ARAP1: variants seen among roughly 807,000 people sequenced by gnomAD.
ARAP1 encodes the protein ArfGAP with RhoGAP domain, ankyrin repeat and PH domain 1, also known as arf-GAP with Rho-GAP domain, ANK repeat and PH domain-containing protein 1.
ARAP1 carries 76 observed loss-of-function variants against 172.2 expected under a neutral mutation model. The observed-to-expected ratio is 0.44, with a 90% CI of 0.37 to 0.53. The LOEUF is 0.53. Ranked by LOEUF, ARAP1 falls within the 20% of genes least tolerant of loss-of-function variation. The pLI is 0.00. For missense variants in ARAP1, 1,686 were observed against 1,977.5 expected, an observed-to-expected ratio of 0.85 and a Z score of 2.80; for synonymous variants, 804 against 803.3, an observed-to-expected ratio of 1.00 and a Z score of -0.01.
At chr11:72,697,574 C>T (rs1450864394) in intron 20 of ARAP1, 24 bp downstream of exon 20, 4 of 1,613,900 alleles carry the variant, frequency 2.5e-6, no homozygotes, top group South Asian at 1.1e-5. Context: ...CTTCTCAGAG[C>T]CCCTCAGGGA....
intron 14 of ARAP1, chr11:72,703,894 G>A: frequency 1.9e-6 from 1 of 532,138 alleles, no homozygotes; most frequent in South Asian, 2.2e-5. Context: ...GGGTGCAGGA[G>A]ACTGAGGAAT....
chr11:72,699,144 T>C lies in ARAP1; in HGVS notation c.2439-37A>G. 6.2e-7 allele frequency: 1 copy of C among 1,605,232 alleles called. No individual in the cohort carries two copies. Among genetic ancestry groups the C allele is most frequent in the African/African-American group, 1.3e-5 (1 of 74,850 alleles). ...CAGGCCAGGACTCAGGCCCACCTCA[T>C]CCAGCACGGGCCCACCCCCAACCCG... is the stretch of plus-strand genomic sequence containing the variant. On this transcript the variant is annotated intron_variant, in intron 17 of 34. Coordinates refer to ENST00000393609, the MANE Select transcript of ARAP1 (RefSeq NM_001040118.3). The surrounding 1 kb of genome is among the most constrained non-coding windows in gnomAD (Gnocchi z 4.2).
chr11:72,701,511 G>A, intron 16 of ARAP1, 138 bp downstream of exon 16: 4 of 1,240,978 alleles, frequency 3.2e-6, no homozygotes, highest in Non-Finnish European at 4.4e-6. Context: ...AGTACCTACT[G>A]TGTACCACAG....
rs1248460500 is a variant in ARAP1, at chr11:72,687,752, AGGGAGAGAGTT to A, written c.4071-25_4071-15del. 1 of 1,614,112 alleles carries A rather than the reference AGGGAGAGAGTT, an allele frequency of 6.2e-7. No homozygotes were observed. The highest frequency in any genetic ancestry group is 1.7e-5 in the Admixed American group (1 of 60,022). ...GTGAAGCCCCAGCTACAGAGGAAGA[AGGGAGAGAGTT>A]GGGTGTTTGACAGGCCATAGAGGCT... is the stretch of plus-strand genomic sequence containing the variant. On this transcript the variant is annotated splice_polypyrimidine_tract_variant and intron_variant, in intron 31 of 34. Transcript: ENST00000393609.
intron 14 of ARAP1, chr11:72,703,321 C>G (rs1167309384): frequency 2.5e-6 from 1 of 402,634 alleles, no homozygotes; most frequent in Non-Finnish European, 4.5e-6. Flanking sequence ...TGCCCGGGGC[C>G]TCACCCCTGC....
chr11:72,735,820 G>A (rs1858005177), intron 1 of ARAP1, among the ~76,000 whole-genome samples: 2 of 152,172 alleles, frequency 1.3e-5, no homozygotes, highest in African/African-American at 4.8e-5. Context: ...AAGACACGGT[G>A]ACTCGGCACT....
rs529598672 is a variant in ARAP1, at chr11:72,739,224, C to T, written c.-127-6627G>A. ...TTTTCCATCTCTCGGGGACTGGTGG[C>T]CACCACATAACAGTCTCAGGAAGGC... is the stretch of plus-strand genomic sequence containing the variant. On this transcript the variant is annotated intron_variant, in intron 1 of 34. Coordinates refer to ENST00000393609, the MANE Select transcript of ARAP1 (RefSeq NM_001040118.3). Among the ~76,000 whole-genome samples the T allele has an allele frequency of 2.0e-5, 3 of 152,288 alleles. No individual in the cohort carries two copies. In the South Asian group the frequency reaches 6.2e-4, roughly 32 times the overall value.
In ARAP1 at chr11:72,694,160, G is replaced by A. The variant is rs190836340; in HGVS notation, c.3695-355C>T. 1.3e-4 allele frequency among the ~76,000 whole-genome samples: 20 copies of A among 149,086 alleles called. No individual in the cohort carries two copies. The South Asian group carries it at 3.2e-3, about 24-fold the overall frequency. ...TCCTCCCTCTCCCAATCCACACGTC[G>A]AATCTCTCTGCTCTGTCTATCTCCA... On this transcript the variant is annotated intron_variant, in intron 27 of 34. Transcript: ENST00000393609.
chr11:72,703,043 C>A lies in ARAP1; in HGVS notation c.2029G>T (p.Glu677Ter). The A allele has an allele frequency of 6.3e-7, 1 of 1,598,368 alleles. No homozygotes were observed. Among genetic ancestry groups the A allele is most frequent in the African/African-American group, 1.3e-5 (1 of 74,444 alleles). ...CCACAGCCCAGGAGCGCCTGGGTCT[C>A]AGCCAGGTCTGTGGTGGTGACTGCA... ...CAAVTTTDLA[E>*]TQALLGCGAG... is the part of the protein sequence containing the mutation. Residue 677 changes from glutamate (E) to a stop codon, truncating the protein, a stop_gained, in exon 15 of 35, where the codon GAG (glutamate) becomes TAG (stop). Coordinates refer to ENST00000393609, the MANE Select transcript of ARAP1 (RefSeq NM_001040118.3). LOFTEE classifies it high-confidence loss of function.
At position 72,730,866 on chromosome 11, in the gene ARAP1, T is replaced by G. The variant is rs368897559; in HGVS notation, c.-45+1649A>C. On this transcript the variant is annotated intron_variant, in intron 2 of 34. Transcript: ENST00000393609. The stretch of plus-strand genomic sequence containing the variant: ...ACCAAAATGGCCATCAATGGGAGAA[T>G]AGTTAACTAAATTATGTTGTAGTTG... Among the ~76,000 whole-genome samples, 3 of 152,126 alleles carry G rather than the reference T, an allele frequency of 2.0e-5. No homozygotes were observed. In the South Asian group the frequency reaches 6.2e-4, roughly 32 times the overall value.
At chr11:72,717,589 G>A (rs373774864) in intron 3 of ARAP1, among the ~76,000 whole-genome samples, 134 of 152,304 alleles carry the variant, frequency 8.8e-4, no homozygotes, top group South Asian at 3.1e-3. Flanking sequence ...CAGCAGGCAC[G>A]TTCCCTGAAG....
intron 1 of ARAP1, among the ~76,000 whole-genome samples, chr11:72,740,910 C>T (rs183459367): frequency 6.6e-6 from 1 of 152,300 alleles, no homozygotes. Context: ...AGGGGCCCCT[C>T]ATGTCCAAGC....
Position 72,695,839 on chromosome 11 carries a change from T to C in ARAP1, c.3299A>G (p.Gln1100Arg), listed in dbSNP as rs1018327868. Residue 1100 changes from glutamine to arginine, a missense_variant, in exon 24 of 35, where the codon CAG (glutamine) becomes CGG (arginine). Coordinates refer to ENST00000393609, the MANE Select transcript of ARAP1 (RefSeq NM_001040118.3). The surrounding 1 kb of genome is among the most constrained non-coding windows in gnomAD (Gnocchi z 4.4). ...YCVQCFSDTN[Q>R]MNVHNLAIVF... The stretch of plus-strand genomic sequence containing the variant: ...AATTGCCAGGTTGTGCACGTTCATC[T>C]GGTTCGTGTCTGAGAAGCACTGAAC... 1 of 1,613,778 alleles carries C rather than the reference T, an allele frequency of 6.2e-7. No homozygotes were observed. The highest frequency in any genetic ancestry group is 8.5e-7 in the Non-Finnish European group (1 of 1,179,782).
Position 72,693,892 on chromosome 11 carries a change from TC to T in ARAP1, c.3695-88del. ...CAGATGGGCACATATCACCTACACA[TC>T]CCCTGTCCACTCCAACCATATGCAA... On this transcript the variant is annotated intron_variant, in intron 27 of 34. Transcript: ENST00000393609. This position sits in a 1 kb window ranked among gnomAD's most constrained non-coding sequence, Gnocchi z 4.6. 1 of 1,071,154 alleles carries T rather than the reference TC, an allele frequency of 9.3e-7. No homozygotes were observed. The highest frequency in any genetic ancestry group is 1.3e-6 in the Non-Finnish European group (1 of 747,868). The allele number at this position is 1,071,154 out of a possible 1,614,324, so 66.4% of individuals were successfully genotyped here. A position where few individuals can be genotyped will look rare whatever the true frequency, so the allele number is the denominator to read the frequency against.
chr11:72,712,132 G>A, intron 7 of ARAP1, 64 bp downstream of exon 7: 1 of 1,496,058 alleles, frequency 6.7e-7, no homozygotes, highest in Non-Finnish European at 8.9e-7. Flanking sequence ...GTGTCCTGGG[G>A]TCCTGGACAC....
intron 29 of ARAP1, 78 bp from the exon 30 acceptor site, chr11:72,692,863 T>C: frequency 6.3e-7 from 1 of 1,579,692 alleles, no homozygotes; most frequent in East Asian, 2.2e-5. Flanking sequence ...ATGTGTGGGG[T>C]TGGGGTGTGT....
chr11:72,745,467 G>A (rs569517971), intron 1 of ARAP1, among the ~76,000 whole-genome samples: 18 of 150,476 alleles, frequency 1.2e-4, no homozygotes, highest in African/African-American at 4.4e-4. Context: ...GCCTCCCAAA[G>A]TGCTGGGATT....
chr11:72,719,087 T>C (rs1326992981), intron 3 of ARAP1, among the ~76,000 whole-genome samples: 1 of 152,196 alleles, frequency 6.6e-6, no homozygotes, highest in Admixed American at 6.5e-5. Context: ...TTATTTGTTC[T>C]TGATGCCACA....
In ARAP1 at chr11:72,695,478, T is replaced by G; in HGVS notation, c.3508-23A>C. 6.2e-7 allele frequency: 1 copy of G among 1,614,200 alleles called. No individual in the cohort carries two copies. The highest frequency in any genetic ancestry group is 8.5e-7 in the Non-Finnish European group (1 of 1,180,026). On this transcript the variant is annotated intron_variant, in intron 25 of 34. Coordinates refer to ENST00000393609, the MANE Select transcript of ARAP1 (RefSeq NM_001040118.3). The surrounding 1 kb of genome is among the most constrained non-coding windows in gnomAD (Gnocchi z 4.4). Reference sequence around the variant, plus strand: ...ATGCTGCAGGGAGACAGGGCTCAGCTGGGGGCCTAGGAAATGGGTGCAGGT... The same window carrying G: ...ATGCTGCAGGGAGACAGGGCTCAGCGGGGGGCCTAGGAAATGGGTGCAGGT...
Sources: allele counts gnomAD v4.1 joint callset (sites outside exome capture counted in the v4.1 genomes callset), GRCh38; gene constraint gnomAD v4.1.1; non-coding constraint Gnocchi (gnomAD v3.1); transcripts MANE v1.5; gene names NCBI Gene and HGNC (gene_info 2026-07-23, HGNC 2026-07-21).